The following RET variants were observed in gnomAD, a reference collection of about 807,000 sequenced individuals.
The protein encoded by RET is ret proto-oncogene, also known as proto-oncogene tyrosine-protein kinase receptor Ret.
RET carries 19 observed loss-of-function variants against 118.3 expected under a neutral mutation model. The ratio of observed to expected loss-of-function variants is 0.16; its 90% CI spans 0.11 to 0.24. The LOEUF (loss-of-function observed/expected upper bound fraction) is 0.24. Among genes scored for constraint, RET ranks in the 10% least tolerant of loss-of-function variants. The pLI, the probability that RET is intolerant of heterozygous loss-of-function variation, is 1.00. For missense variants in RET, 1,219 were observed against 1,502.1 expected, an observed-to-expected ratio of 0.81 and a Z score of 3.12; for synonymous variants, 597 against 644.1, an observed-to-expected ratio of 0.93 and a Z score of 1.11.
chr10:43,129,828 C>A lies in RET; in HGVS notation c.*1559C>A. The A allele has an allele frequency of 2.5e-6, 1 of 393,200 alleles. No homozygotes were observed. Among genetic ancestry groups the A allele is most frequent in the Non-Finnish European group, 4.5e-6 (1 of 223,234 alleles). 24.4% of individuals were successfully genotyped at this position (393,200 alleles called of 1,614,324 possible). A position where few individuals can be genotyped will look rare whatever the true frequency, so the allele number is the denominator to read the frequency against. ...GAGTTTGAAAAATGCTTATTGGACA[C>A]GTAACCTGGCTCTAATTTGGGCTGT... On this transcript the variant is annotated 3_prime_UTR_variant, in exon 20 of 20. Coordinates refer to ENST00000355710, the MANE Select transcript of RET (RefSeq NM_020975.6).
At chr10:43,120,298 G>T in intron 15 of RET, 95 bp downstream of exon 15, 1 of 1,527,936 alleles carries the variant, frequency 6.5e-7, no homozygotes, top group South Asian at 1.2e-5. Flanking sequence ...AGATACCGAA[G>T]ATTAGTGGAG....
At chr10:43,120,243 C>T (rs2132965975) in intron 15 of RET, 40 bp downstream of exon 15, 1 of 1,609,496 alleles carries the variant, frequency 6.2e-7, no homozygotes, top group Non-Finnish European at 8.5e-7. Flanking sequence ...CCCAGGGATC[C>T]CAGGTGCACC....
intron 1 of RET, 73 bp downstream of exon 1, chr10:43,077,404 T>TCAGAAGC: frequency 6.9e-7 from 1 of 1,453,900 alleles, no homozygotes; most frequent in Non-Finnish European, 9.1e-7. Flanking sequence ...GCGGGCGCGT[T>TCAGAAGC]CAGAAGCGCC....
In RET at chr10:43,105,312, T is replaced by C. The variant is rs1000820130; in HGVS notation, c.867+119T>C. ...GTGTGGCCGACCATTCGCGCTTTCATTTGTCCTTCGCCTCCGTCTGCGCCG... is the reference window on the plus strand; with the variant it reads ...GTGTGGCCGACCATTCGCGCTTTCACTTGTCCTTCGCCTCCGTCTGCGCCG... On this transcript the variant is annotated intron_variant, in intron 4 of 19. Transcript: ENST00000355710. 7 of 1,476,166 alleles carry C rather than the reference T, an allele frequency of 4.7e-6. No homozygotes were observed. In the Admixed American group the frequency reaches 1.3e-4, roughly 27 times the overall value. The allele number at this position is 1,476,166 out of a possible 1,614,324, so 91.4% of individuals were successfully genotyped here. A position where few individuals can be genotyped will look rare whatever the true frequency, so the allele number is the denominator to read the frequency against.
At chr10:43,100,791 G>A (rs2132667160) in intron 2 of RET, 69 bp downstream of exon 2, 1 of 1,459,386 alleles carries the variant, frequency 6.9e-7, no homozygotes, top group East Asian at 2.6e-5. Context: ...CCTTATCACA[G>A]CCGCTGACAC....
chr10:43,112,744 T>A, intron 8 of RET, 109 bp from the exon 9 acceptor site: 1 of 824,812 alleles, frequency 1.2e-6, no homozygotes, highest in Non-Finnish European at 2.0e-6. Flanking sequence ...GTTTCCCTAC[T>A]CAGGCCTCCA....
chr10:43,105,304 C>A, intron 4 of RET, 111 bp downstream of exon 4: 1 of 1,515,436 alleles, frequency 6.6e-7, no homozygotes, highest in Non-Finnish European at 9.0e-7. Context: ...CGACCATTCG[C>A]GCTTTCATTT....
chr10:43,113,088 G>T (rs1210193832), intron 9 of RET, 125 bp downstream of exon 9: 8 of 790,084 alleles, frequency 1.0e-5, no homozygotes, highest in Middle Eastern at 2.2e-4. Context: ...AGCCTCCTGT[G>T]CATTTCAGCA....
chr10:43,077,559 G>A (rs1345028051), intron 1 of RET, among the ~76,000 whole-genome samples: 1 of 150,752 alleles, frequency 6.6e-6, no homozygotes, highest in Middle Eastern at 3.2e-3. Context: ...GTCTCGGGCG[G>A]GAGCGGAGCG....
Position 43,128,693 on chromosome 10 carries a change from C to T in RET, c.*424C>T, listed in dbSNP as rs564684954. 4 of 387,336 alleles carry T rather than the reference C, an allele frequency of 1.0e-5. No individual in the cohort carries two copies. The highest frequency in any genetic ancestry group is 8.0e-5 in the African/African-American group (4 of 49,694). The allele number at this position is 387,336 out of a possible 1,614,324, so 24.0% of individuals were successfully genotyped here. A position where few individuals can be genotyped will look rare whatever the true frequency, so the allele number is the denominator to read the frequency against. On this transcript the variant is annotated 3_prime_UTR_variant, in exon 20 of 20. Transcript: ENST00000355710. The stretch of plus-strand genomic sequence containing the variant: ...CAAAAAAATTTAAACATGAAGCACA[C>T]ACACAAAAAAGGCAGTAGGAAAAAT...
intron 1 of RET, among the ~76,000 whole-genome samples, chr10:43,081,246 C>G (rs1191760742): frequency 1.3e-5 from 2 of 152,026 alleles, no homozygotes; most frequent in African/African-American, 4.8e-5. Context: ...GCTCCCTCCC[C>G]GTTCTCTGCT....
chr10:43,088,041 T>TGTG lies in RET; in HGVS notation c.73+10726_73+10728dup, dbSNP rs760965241. On this transcript the variant is annotated intron_variant, in intron 1 of 19. Coordinates refer to ENST00000355710, the MANE Select transcript of RET (RefSeq NM_020975.6). ...GGAAGTCATGATAGTGAGTGGTGGTTGTGGTGGTGGTGGTGGTGATGGTGA... is the reference window on the plus strand; with the variant it reads ...GGAAGTCATGATAGTGAGTGGTGGTTGTGGTGGTGGTGGTGGTGGTGATGGTGA... Among the ~76,000 whole-genome samples, 372 of 151,406 alleles carry TGTG rather than the reference T, an allele frequency of 2.5e-3. 1 individual carries two copies. Among genetic ancestry groups the TGTG allele is most frequent in the African/African-American group, 8.5e-3 (351 of 41,226 alleles).
Position 43,127,457 on chromosome 10 carries a change from T to C in RET, c.3188-655T>C, listed in dbSNP as rs1032840379. On this transcript the variant is annotated intron_variant, in intron 19 of 19. Coordinates refer to ENST00000355710, the MANE Select transcript of RET (RefSeq NM_020975.6). ...GTCTTACAATGGACAGTAAATATGG[T>C]TCTTGCCAAAACTCCTTCTTTTGTC... 6.7e-6 allele frequency: 7 copies of C among 1,049,636 alleles called. No individual in the cohort carries two copies. The African/African-American group carries it at 1.2e-4, about 18-fold the overall frequency. The allele number at this position is 1,049,636 out of a possible 1,614,324, so 65.0% of individuals were successfully genotyped here.
intron 1 of RET, among the ~76,000 whole-genome samples, chr10:43,080,995 C>T (rs561869172): frequency 6.6e-6 from 1 of 152,304 alleles, no homozygotes; most frequent in Non-Finnish European, 1.5e-5. Context: ...GATGGGGGTA[C>T]AGCTGTGTTT....
intron 19 of RET, chr10:43,127,316 C>G: frequency 9.3e-7 from 1 of 1,070,370 alleles, no homozygotes; most frequent in Non-Finnish European, 1.1e-6. Context: ...GGACGCACCC[C>G]CACTGCTGTT....
intron 1 of RET, among the ~76,000 whole-genome samples, chr10:43,083,280 C>T (rs543212298): frequency 8.7e-4 from 132 of 152,318 alleles, no homozygotes; most frequent in Middle Eastern, 3.4e-3. Flanking sequence ...ACTCGTGACC[C>T]GGGAAAGCCT....
intron 1 of RET, among the ~76,000 whole-genome samples, chr10:43,093,545 C>T (rs1169694433): frequency 4.6e-5 from 7 of 152,188 alleles, no homozygotes; most frequent in African/African-American, 1.4e-4. Context: ...GGATTAACAG[C>T]CCAGGGCCTG....
intron 1 of RET, among the ~76,000 whole-genome samples, chr10:43,079,642 T>C (rs1837134464): frequency 6.6e-6 from 1 of 152,180 alleles, no homozygotes; most frequent in Non-Finnish European, 1.5e-5. Flanking sequence ...GCCTGACTTC[T>C]TGGGTCCTGT....
rs778330709 is a variant in RET, at chr10:43,121,974, T to C, written c.2759T>C (p.Ile920Thr). 6.2e-7 allele frequency: 1 copy of C among 1,613,588 alleles called. No individual in the cohort carries two copies. Among genetic ancestry groups the C allele is most frequent in the South Asian group, 1.1e-5 (1 of 91,042 alleles). ...CGGATTCCAGTTAAATGGATGGCAA[T>C]TGAATCCCTTTTTGATCATATCTAC... ...QGRIPVKWMAIESLFDHIYTT... is the reference protein window; with the variant it reads ...QGRIPVKWMATESLFDHIYTT... The change falls in exon 16 of 20, where the codon ATT becomes ACT. Residue 920 changes from isoleucine (I) to threonine (T), a missense_variant. By Grantham distance (89) the Ile-to-Thr change is moderately conservative (BLOSUM62 -1). This residue lies in a region of RET where 73 missense variants were observed against 156.5 expected (regional missense o/e 0.47). Transcript: ENST00000355710.
Sources: allele counts gnomAD v4.1 joint callset (sites outside exome capture counted in the v4.1 genomes callset), GRCh38; gene constraint gnomAD v4.1.1; regional missense constraint gnomAD v4.1.1; transcripts MANE v1.5; gene names NCBI Gene and HGNC (gene_info 2026-07-23, HGNC 2026-07-21).